The following RAD51B variants were observed in gnomAD, a reference collection of about 807,000 sequenced individuals.
The protein encoded by RAD51B is RAD51 paralog B.
RAD51B carries 38 observed loss-of-function variants against 42.2 expected under a neutral mutation model. The observed-to-expected ratio is 0.90, with a 90% CI of 0.70 to 1.18. The LOEUF (loss-of-function observed/expected upper bound fraction) is 1.18. Ranked by LOEUF, RAD51B falls within the 50% of genes most tolerant of loss-of-function variation. RAD51B has a pLI of 0.00. For synonymous variants in RAD51B, 154 were observed against 145.2 expected (o/e 1.06, Z -0.43); for missense variants, 373 against 400.7 (o/e 0.93, Z 0.59).
Position 68,643,777 on chromosome 14 carries a change from C to A in RAD51B, c.1037-7004C>A, listed in dbSNP as rs145367878. Among the ~76,000 whole-genome samples, 5 of 152,282 alleles carry A rather than the reference C, an allele frequency of 3.3e-5. No homozygotes were observed. The East Asian group carries it at 9.6e-4, about 29-fold the overall frequency. Reference sequence around the variant, plus strand: ...TAGGAGGTCTGGGAGGACCATCCACCCCTCCTGGAAGGCCCTGACTCAAAC... The same window carrying A: ...TAGGAGGTCTGGGAGGACCATCCACACCTCCTGGAAGGCCCTGACTCAAAC... On this transcript the variant is annotated intron_variant, in intron 10 of 11. Coordinates refer to the RAD51B transcript ENST00000488612.
intron 11 of RAD51B, among the ~76,000 whole-genome samples, chr14:68,655,982 C>A (rs914893913): frequency 6.6e-6 from 1 of 152,226 alleles, no homozygotes; most frequent in Non-Finnish European, 1.5e-5. Context: ...CCACATTCAA[C>A]CACAGCCATT....
intron 11 of RAD51B, among the ~76,000 whole-genome samples, chr14:68,663,162 C>G (rs1422879098): frequency 6.6e-6 from 1 of 152,120 alleles, no homozygotes; most frequent in African/African-American, 2.4e-5. Flanking sequence ...ATTAGCTAGG[C>G]GTGGTGGTGC....
At chr14:68,135,260 C>T (rs1256368968) in intron 7 of RAD51B, among the ~76,000 whole-genome samples, 5 of 152,142 alleles carry the variant, frequency 3.3e-5, no homozygotes, top group Non-Finnish European at 5.9e-5. Flanking sequence ...TTTAATAACA[C>T]CGGAAAGAGG....
intron 10 of RAD51B, among the ~76,000 whole-genome samples, chr14:68,581,133 A>T (rs1221478110): frequency 1.3e-5 from 2 of 152,014 alleles, no homozygotes; most frequent in Non-Finnish European, 2.9e-5. Flanking sequence ...TTAAGATGGG[A>T]TAGGGGGAGG....
At chr14:68,042,688 A>G (rs1201437412) in intron 7 of RAD51B, among the ~76,000 whole-genome samples, 1 of 152,202 alleles carries the variant, frequency 6.6e-6, no homozygotes, top group Non-Finnish European at 1.5e-5. Flanking sequence ...TTCTTTGTGA[A>G]GTGTGACTTA....
At chr14:68,308,815 C>T (rs1276470113) in intron 8 of RAD51B, among the ~76,000 whole-genome samples, 1 of 151,852 alleles carries the variant, frequency 6.6e-6, no homozygotes, top group Non-Finnish European at 1.5e-5. Context: ...AGTCAGTCAT[C>T]CTCAGCCTGA....
At chr14:68,328,050 C>A (rs1595713049) in intron 8 of RAD51B, among the ~76,000 whole-genome samples, 1 of 152,116 alleles carries the variant, frequency 6.6e-6, no homozygotes, top group South Asian at 2.1e-4. Flanking sequence ...AACCCTCTGT[C>A]CCTTCTTCCC....
chr14:67,871,230 T>C (rs1595038288), intron 5 of RAD51B, among the ~76,000 whole-genome samples: 2 of 151,634 alleles, frequency 1.3e-5, no homozygotes, highest in East Asian at 1.9e-4. Context: ...ATCAAATAGA[T>C]GCAATAAAAA....
chr14:68,443,112 T>C (rs2085340805), intron 9 of RAD51B, among the ~76,000 whole-genome samples: 1 of 152,230 alleles, frequency 6.6e-6, no homozygotes, highest in Non-Finnish European at 1.5e-5. Context: ...GTGAAAGGAC[T>C]GAAAAATAAT....
intron 7 of RAD51B, among the ~76,000 whole-genome samples, chr14:68,032,550 TCAAA>T (rs2076064097): frequency 6.6e-6 from 1 of 152,326 alleles, no homozygotes; most frequent in Non-Finnish European, 1.5e-5. Context: ...CATTTAATCA[TCAAA>T]CAGAGTTCTG....
At chr14:68,221,877 G>A (rs908585287) in intron 7 of RAD51B, among the ~76,000 whole-genome samples, 2 of 152,130 alleles carry the variant, frequency 1.3e-5, no homozygotes, top group African/African-American at 4.8e-5. Flanking sequence ...AGTGGGCTAA[G>A]GACATGAATA....
At chr14:68,559,355 A>C (rs1016539694) in intron 10 of RAD51B, among the ~76,000 whole-genome samples, 2 of 151,952 alleles carry the variant, frequency 1.3e-5, no homozygotes, top group African/African-American at 4.8e-5. Context: ...GTAAGTCATT[A>C]ACCTGTGATT....
chr14:68,670,839 A>T (rs1893141079), intron 11 of RAD51B, among the ~76,000 whole-genome samples: 1 of 152,206 alleles, frequency 6.6e-6, no homozygotes, highest in African/African-American at 2.4e-5. Flanking sequence ...TTTCTTTCTT[A>T]TCACTGCCAG....
intron 8 of RAD51B, among the ~76,000 whole-genome samples, chr14:68,313,013 A>T (rs773124922): frequency 6.6e-6 from 1 of 152,224 alleles, no homozygotes; most frequent in African/African-American, 2.4e-5. Flanking sequence ...GATTTCCAGC[A>T]CTGTGCATCA....
chr14:68,316,175 T>A (rs1003277074), intron 8 of RAD51B, among the ~76,000 whole-genome samples: 6 of 152,192 alleles, frequency 3.9e-5, no homozygotes, highest in African/African-American at 1.4e-4. Context: ...ATGATCTATG[T>A]CTCCAAGATA....
intron 5 of RAD51B, among the ~76,000 whole-genome samples, chr14:67,875,759 A>G (rs1266353991): frequency 6.6e-6 from 1 of 152,130 alleles, no homozygotes; most frequent in Non-Finnish European, 1.5e-5. Flanking sequence ...CTGTATTTAG[A>G]GTGTCATTCT....
chr14:68,636,526 T>C (rs1892343276), intron 10 of RAD51B, among the ~76,000 whole-genome samples: 1 of 139,100 alleles, frequency 7.2e-6, no homozygotes, highest in Non-Finnish European at 1.5e-5. Context: ...GAGGTTGCAG[T>C]GAGCGGAGAT....
chr14:68,056,876 C>A (rs937138581), intron 7 of RAD51B, among the ~76,000 whole-genome samples: 1 of 151,850 alleles, frequency 6.6e-6, no homozygotes, highest in Non-Finnish European at 1.5e-5. Flanking sequence ...GTCAGGAGTT[C>A]GAGACCAGCC....
At chr14:68,496,164 G>C (rs956254411) in intron 10 of RAD51B, among the ~76,000 whole-genome samples, 1 of 152,160 alleles carries the variant, frequency 6.6e-6, no homozygotes, top group African/African-American at 2.4e-5. Flanking sequence ...GAACCTCAGT[G>C]TATTCATCGG....
Sources: allele counts gnomAD v4.1 joint callset (sites outside exome capture counted in the v4.1 genomes callset), GRCh38; gene constraint gnomAD v4.1.1; transcripts MANE v1.5; gene names NCBI Gene and HGNC (gene_info 2026-07-23, HGNC 2026-07-21).